MET: variants seen among roughly 807,000 people sequenced by gnomAD.
MET encodes MET proto-oncogene, receptor tyrosine kinase, also known as hepatocyte growth factor receptor.
A neutral mutation model predicts 133.1 loss-of-function variants in MET; 48 were observed. The observed-to-expected ratio is 0.36, with a 90% CI of 0.29 to 0.46. MET has a LOEUF of 0.46. Ranked by LOEUF, MET falls within the 20% of genes least tolerant of loss-of-function variation. The pLI, the probability that MET is intolerant of heterozygous loss-of-function variation, is 1.00. For synonymous variants in MET, 628 were observed against 616.5 expected (o/e 1.02, Z -0.28); for missense variants, 1,442 against 1,695.9 (o/e 0.85, Z 2.63).
At chr7:116,693,607 T>G (rs974410678) in intron 1 of MET, among the ~76,000 whole-genome samples, 1 of 152,204 alleles carries the variant, frequency 6.6e-6, no homozygotes, top group Non-Finnish European at 1.5e-5. Flanking sequence ...CCATGATTGA[T>G]TGATTGGTAA....
Position 116,796,237 on chromosome 7 carries a change from G to C in MET, c.*113G>C, listed in dbSNP as rs1203634586. 1 of 927,506 alleles carries C rather than the reference G, an allele frequency of 1.1e-6. No individual in the cohort carries two copies. The highest frequency in any genetic ancestry group is 1.6e-5 in the African/African-American group (1 of 61,986). The allele number at this position is 927,506 out of a possible 1,614,324, so 57.5% of individuals were successfully genotyped here. On this transcript the variant is annotated 3_prime_UTR_variant, in exon 21 of 21. Transcript: ENST00000397752. ...CTCTTGCCAAAATTGCACTATTATA[G>C]GACTTGTATTGTTATTTAAATTACT...
chr7:116,745,401 A>C (rs1278162995), intron 5 of MET, among the ~76,000 whole-genome samples: 3 of 152,196 alleles, frequency 2.0e-5, no homozygotes, highest in Non-Finnish European at 2.9e-5. Context: ...GCTACCAATG[A>C]CTTTCTTCAC....
chr7:116,741,244 C>G (rs890432270), intron 5 of MET: 12 of 565,356 alleles, frequency 2.1e-5, no homozygotes, highest in Non-Finnish European at 9.3e-6. Context: ...TTGGGCATCC[C>G]CCCAAGTCCT....
At chr7:116,721,734 C>A (rs534298235) in intron 2 of MET, among the ~76,000 whole-genome samples, 2 of 151,802 alleles carry the variant, frequency 1.3e-5, no homozygotes, top group Non-Finnish European at 2.9e-5. Flanking sequence ...GCCTTCATTT[C>A]GTTATGTATC....
intron 10 of MET, 154 bp downstream of exon 10, chr7:116,759,644 CTG>C (rs1478883319): frequency 1.2e-6 from 1 of 833,678 alleles, no homozygotes; most frequent in Non-Finnish European, 2.0e-6. Flanking sequence ...TATTTAATAA[CTG>C]AAATTATCTA....
intron 5 of MET, among the ~76,000 whole-genome samples, chr7:116,748,548 C>G (rs1340639067): frequency 6.6e-6 from 1 of 152,148 alleles, no homozygotes; most frequent in East Asian, 1.9e-4. Context: ...CAACCCCTAA[C>G]ATCACAATTG....
chr7:116,765,654 G>A (rs1257915454), intron 11 of MET, among the ~76,000 whole-genome samples: 2 of 152,256 alleles, frequency 1.3e-5, no homozygotes, highest in East Asian at 1.9e-4. Context: ...GTAGACAGTG[G>A]TCATCAAAAG....
At chr7:116,708,169 T>G (rs1428414746) in intron 2 of MET, among the ~76,000 whole-genome samples, 1 of 152,134 alleles carries the variant, frequency 6.6e-6, no homozygotes, top group Non-Finnish European at 1.5e-5. Context: ...TGATAATTTA[T>G]GAAATGTGCT....
chr7:116,692,590 G>T (rs1274295488), intron 1 of MET, among the ~76,000 whole-genome samples: 1 of 152,188 alleles, frequency 6.6e-6, no homozygotes, highest in East Asian at 1.9e-4. Flanking sequence ...GAAAACCAGA[G>T]GTGGGCAGAT....
At chr7:116,716,249 TCAAG>T (rs1297976293) in intron 2 of MET, among the ~76,000 whole-genome samples, 1 of 125,530 alleles carries the variant, frequency 8.0e-6, no homozygotes, top group African/African-American at 3.1e-5. Context: ...CCAGAGCCTT[TCAAG>T]CAAGCAAGCA....
At position 116,672,337 on chromosome 7, in the gene MET, G is replaced by T; in HGVS notation, c.-255G>T. 3.3e-6 allele frequency: 1 copy of T among 305,838 alleles called. No homozygotes were observed. Among genetic ancestry groups the T allele is most frequent in the Non-Finnish European group, 6.0e-6 (1 of 167,092 alleles). 18.9% of individuals were successfully genotyped at this position (305,838 alleles called of 1,614,324 possible). ...GGCAGGGCAGCGCGCGTGTGGGAAGGGGCGGAGGGAGTGCGGCCGGCGGGC... is the reference window on the plus strand; with the variant it reads ...GGCAGGGCAGCGCGCGTGTGGGAAGTGGCGGAGGGAGTGCGGCCGGCGGGC... On this transcript the variant is annotated 5_prime_UTR_variant, in exon 1 of 21. Transcript: ENST00000397752.
In MET at chr7:116,778,794, A is replaced by G. The variant is rs1466975132; in HGVS notation, c.3359A>G (p.Glu1120Gly). Residue 1120 changes from glutamate to glycine, a missense_variant, in exon 17 of 21, where the codon GAA becomes GGA. Coordinates refer to ENST00000397752, the MANE Select transcript of MET (RefSeq NM_000245.4). ...KSLNRITDIG[E>G]VSQFLTEGII... ...TTCTCAGGAATCACTGACATAGGAG[A>G]AGTTTCCCAATTTCTGACCGAGGGA... is the stretch of plus-strand genomic sequence containing the variant. 6.2e-7 allele frequency: 1 copy of G among 1,614,024 alleles called. No homozygotes were observed. The highest frequency in any genetic ancestry group is 1.1e-5 in the South Asian group (1 of 91,086).
intron 3 of MET, among the ~76,000 whole-genome samples, chr7:116,737,769 G>C (rs1405720332): frequency 6.6e-6 from 1 of 152,124 alleles, no homozygotes; most frequent in Non-Finnish European, 1.5e-5. Flanking sequence ...AAGTCCAGAG[G>C]TGCAAAGAGC....
At position 116,741,056 on chromosome 7, in the gene MET, TTTTG is replaced by T. The variant is rs2116838888; in HGVS notation, c.1701+36_1701+39del. 3 of 1,611,164 alleles carry T rather than the reference TTTTG, an allele frequency of 1.9e-6. No homozygotes were observed. In the East Asian group the frequency reaches 6.7e-5, roughly 36 times the overall value. ...AATCTCTAACAGCTGGCATACATGT[TTTTG>T]TTTGGTGTTTTTTTTTTTTTTTTGG... On this transcript the variant is annotated intron_variant, in intron 5 of 20. Transcript: ENST00000397752.
chr7:116,749,767 G>A (rs899910016), intron 5 of MET, among the ~76,000 whole-genome samples: 1 of 152,112 alleles, frequency 6.6e-6, no homozygotes, highest in Non-Finnish European at 1.5e-5. Flanking sequence ...AAATTCTCAG[G>A]ATACAAAATC....
At chr7:116,748,060 T>G (rs1314965037) in intron 5 of MET, among the ~76,000 whole-genome samples, 1 of 152,000 alleles carries the variant, frequency 6.6e-6, no homozygotes, top group East Asian at 1.9e-4. Flanking sequence ...CTGACTAACA[T>G]GGTGAAACCC....
intron 15 of MET, among the ~76,000 whole-genome samples, chr7:116,775,750 T>C (rs768392752): frequency 8.5e-5 from 13 of 152,086 alleles, no homozygotes; most frequent in Non-Finnish European, 1.6e-4. Context: ...ACTCCTTTAA[T>C]TTTGAGTATT....
At position 116,706,469 on chromosome 7, in the gene MET, T is replaced by C. The variant is rs184701203; in HGVS notation, c.1200+6185T>C. On this transcript the variant is annotated intron_variant, in intron 2 of 20. Transcript: ENST00000397752. ...ATATTTTCATTGACATAAACATGAT[T>C]AGCGATTTCTGGAAGCATGTGGGAT... 2.0e-5 allele frequency among the ~76,000 whole-genome samples: 3 copies of C among 152,272 alleles called. No homozygotes were observed. The East Asian group carries it at 5.8e-4, about 29-fold the overall frequency.
rs1795705602 is a variant in MET at position 116,797,258 on chromosome 7, A to G, written c.*1134A>G. ...ACTCAGCATGTTTGTAAAGCAGGAT[A>G]CATTTTACTAAAAGGTTCATTGGTT... On this transcript the variant is annotated 3_prime_UTR_variant, in exon 21 of 21. Coordinates refer to ENST00000397752, the MANE Select transcript of MET (RefSeq NM_000245.4). 1 of 218,406 alleles carries G rather than the reference A, an allele frequency of 4.6e-6. No individual in the cohort carries two copies. Among genetic ancestry groups the G allele is most frequent in the African/African-American group, 2.2e-5 (1 of 44,458 alleles). 13.5% of individuals were successfully genotyped at this position (218,406 alleles called of 1,614,324 possible). A position where few individuals can be genotyped will look rare whatever the true frequency, so the allele number is the denominator to read the frequency against.
Sources: allele counts gnomAD v4.1 joint callset (sites outside exome capture counted in the v4.1 genomes callset), GRCh38; gene constraint gnomAD v4.1.1; transcripts MANE v1.5; gene names NCBI Gene and HGNC (gene_info 2026-07-23, HGNC 2026-07-21).